Variants in DENND1B observed in about 807,000 individuals in gnomAD.
DENND1B encodes the protein DENN domain-containing protein 1B.
Under a neutral mutation model 90.1 loss-of-function variants are expected in DENND1B, and 59 were observed. The observed-to-expected ratio is 0.65, with a 90% confidence interval of 0.53 to 0.81. DENND1B has a LOEUF of 0.81. Among genes scored for constraint, DENND1B ranks in the 40% least tolerant of loss-of-function variants. The probability of loss-of-function intolerance (pLI) is 0.00; values close to 1 mark genes in which losing one functional copy is unlikely to be tolerated. For synonymous variants in DENND1B, 337 were observed against 324.6 expected (o/e 1.04, Z -0.41); for missense variants, 862 against 912.6 (o/e 0.94, Z 0.71).
At chr1:197,735,059 CA>C in intron 2 of DENND1B, 1 of 981,738 alleles carries the variant, frequency 1.0e-6, no homozygotes, top group South Asian at 4.7e-5. Context: ...AAAATTTTAA[CA>C]AAATTTAAAA....
At chr1:197,590,639 T>C (rs930690606) in intron 14 of DENND1B, among the ~76,000 whole-genome samples, 3 of 152,200 alleles carry the variant, frequency 2.0e-5, no homozygotes, top group African/African-American at 7.2e-5. Context: ...ACGTTTTAAG[T>C]ACTTAATTTA....
intron 3 of DENND1B, among the ~76,000 whole-genome samples, chr1:197,700,366 G>A (rs544718578): frequency 6.6e-6 from 1 of 152,202 alleles, no homozygotes; most frequent in South Asian, 2.1e-4. Context: ...CAAGCAATGG[G>A]GAAAGGATCT....
chr1:197,590,604 C>A (rs551322929), intron 14 of DENND1B, among the ~76,000 whole-genome samples: 9 of 152,206 alleles, frequency 5.9e-5, no homozygotes, highest in Admixed American at 5.2e-4. Flanking sequence ...CTGTAAGTAA[C>A]AACAATTTAG....
intron 10 of DENND1B, among the ~76,000 whole-genome samples, chr1:197,624,986 A>G (rs1678532517): frequency 6.6e-6 from 1 of 151,652 alleles, no homozygotes; most frequent in Admixed American, 6.6e-5. Context: ...AAAAAGAAAC[A>G]AACAAAGCCT....
rs550370925 is a variant in DENND1B at position 197,762,585 on chromosome 1, A to G, written c.82+10283T>C. Among the ~76,000 whole-genome samples, 3 of 152,308 alleles carry G rather than the reference A, an allele frequency of 2.0e-5. No homozygotes were observed. In the South Asian group the frequency reaches 6.2e-4, roughly 32 times the overall value. On this transcript the variant is annotated intron_variant, in intron 2 of 22. Coordinates refer to ENST00000620048, the MANE Select transcript of DENND1B (RefSeq NM_001195215.2). ...GCAGCTAAAATCCATGTATTTAACA[A>G]CAATCCCTAATACAATACAATTTTA...
intron 15 of DENND1B, among the ~76,000 whole-genome samples, chr1:197,554,357 CCAAAAA>C (rs995795886): frequency 3.9e-5 from 6 of 151,922 alleles, no homozygotes; most frequent in Non-Finnish European, 8.8e-5. Context: ...TTGGATGCAT[CCAAAAA>C]CTAACTAATC....
At chr1:197,606,636 C>T (rs188027153) in intron 13 of DENND1B, 1 of 156,878 alleles carries the variant, frequency 6.4e-6, no homozygotes, top group Non-Finnish European at 1.4e-5. Flanking sequence ...AACATCAGAT[C>T]ATTAATTAAA....
chr1:197,591,220 G>A (rs1455081774), intron 14 of DENND1B, among the ~76,000 whole-genome samples: 1 of 152,138 alleles, frequency 6.6e-6, no homozygotes, highest in Non-Finnish European at 1.5e-5. Flanking sequence ...ATTACTGCTA[G>A]AGAAGAAATG....
chr1:197,724,567 T>C (rs569826545), intron 2 of DENND1B, among the ~76,000 whole-genome samples: 6 of 152,232 alleles, frequency 3.9e-5, no homozygotes, highest in Non-Finnish European at 1.5e-5. Flanking sequence ...AACTCAGGTC[T>C]TGCCTAACAT....
intron 2 of DENND1B, among the ~76,000 whole-genome samples, chr1:197,759,247 G>A (rs991586522): frequency 1.3e-5 from 2 of 151,214 alleles, no homozygotes; most frequent in African/African-American, 4.9e-5. Flanking sequence ...GGGATTACAG[G>A]TGTGAGCCAC....
chr1:197,776,176 C>G (rs1301497256), upstream of DENND1B, among the ~76,000 whole-genome samples: 1 of 152,180 alleles, frequency 6.6e-6, no homozygotes, highest in East Asian at 1.9e-4. Flanking sequence ...GTGGGAGGGA[C>G]TGATTTACAC....
intron 11 of DENND1B, among the ~76,000 whole-genome samples, chr1:197,614,887 A>T (rs1380976270): frequency 6.6e-6 from 1 of 151,052 alleles, no homozygotes; most frequent in East Asian, 1.9e-4. Flanking sequence ...CTACAGTCAC[A>T]CTACCTGCCA....
At position 197,775,280 on chromosome 1, in the gene DENND1B, C is replaced by T. The variant is rs1414215379; in HGVS notation, c.-125G>A. ...GGCGGCCACACAGGGAAAGAGGCTG[C>T]TCACAGCAGCCGTGGCGGCGGGCCC... On this transcript the variant is annotated 5_prime_UTR_variant, in exon 1 of 23. Transcript: ENST00000620048. 5.4e-6 allele frequency: 4 copies of T among 747,408 alleles called. No individual in the cohort carries two copies. The African/African-American group carries it at 7.4e-5, about 14-fold the overall frequency. 46.3% of individuals were successfully genotyped at this position (747,408 alleles called of 1,614,324 possible). A position where few individuals can be genotyped will look rare whatever the true frequency, so the allele number is the denominator to read the frequency against.
chr1:197,529,232 ATATATATATATGTGTG>A (rs1163591568), intron 20 of DENND1B, among the ~76,000 whole-genome samples: 51 of 12,462 alleles, frequency 4.1e-3, no homozygotes, highest in Non-Finnish European at 2.9e-3. Flanking sequence ...ATATATATAT[ATATATATATATGTGTG>A]TGTGTGTGTG....
chr1:197,554,831 T>TAA (rs1671575607), intron 15 of DENND1B, among the ~76,000 whole-genome samples: 1 of 2,104 alleles, frequency 4.8e-4, no homozygotes. Flanking sequence ...AGACTCCATC[T>TAA]CAAAAAAAAA....
chr1:197,638,902 T>C (rs571916329), intron 10 of DENND1B, among the ~76,000 whole-genome samples: 25 of 152,070 alleles, frequency 1.6e-4, no homozygotes, highest in African/African-American at 5.5e-4. Context: ...TCTCAATTCA[T>C]TAAACTCAAA....
At chr1:197,644,492 G>A (rs567191530) in intron 9 of DENND1B, among the ~76,000 whole-genome samples, 1 of 152,262 alleles carries the variant, frequency 6.6e-6, no homozygotes, top group African/African-American at 2.4e-5. Context: ...AAGCAAATTT[G>A]ACTTTGAAAC....
chr1:197,721,162 C>T (rs1201108557), intron 2 of DENND1B, among the ~76,000 whole-genome samples: 3 of 151,286 alleles, frequency 2.0e-5, no homozygotes, highest in Non-Finnish European at 2.9e-5. Context: ...CCCCACCTCC[C>T]GGGTTCATGC....
intron 20 of DENND1B, among the ~76,000 whole-genome samples, chr1:197,521,142 C>A (rs1220767867): frequency 1.3e-5 from 2 of 151,560 alleles, no homozygotes; most frequent in Non-Finnish European, 3.0e-5. Context: ...GTAGAAGGAC[C>A]AAGACACAAA....
Sources: gnomAD v4.1 joint callset for allele counts (sites outside exome capture counted in the v4.1 genomes callset) on GRCh38, gnomAD v4.1.1 for gene constraint, MANE v1.5 for transcripts, NCBI Gene and HGNC (gene_info 2026-07-23, HGNC 2026-07-21) for gene names.